Variants in PRKAR1A observed in about 807,000 individuals in gnomAD.
PRKAR1A encodes the protein protein kinase cAMP-dependent type I regulatory subunit alpha.
Under a neutral mutation model 52.0 loss-of-function variants are expected in PRKAR1A, and 3 were observed. That is an observed-to-expected ratio of 0.06 (90% CI 0.03 to 0.15). PRKAR1A has a LOEUF of 0.15. Ranked by LOEUF, PRKAR1A falls within the 10% of genes least tolerant of loss-of-function variation. The pLI is 1.00. For synonymous variants in PRKAR1A, 188 were observed against 168.4 expected, an observed-to-expected ratio of 1.12 and a Z score of -0.90; for missense variants, 240 against 477.4, an observed-to-expected ratio of 0.50 and a Z score of 4.63.
chr17:68,489,216 ATATATATATATATGGAAAG>A, the PRKAR1A span, among the ~76,000 whole-genome samples: 23 of 55,166 alleles, frequency 4.2e-4, 2 homozygotes, highest in East Asian at 5.7e-3. Context: ...ATATATATAT[ATATATATATATATGGAAAG>A]TATATATATA....
intron 3 of PRKAR1A, 120 bp downstream of exon 3, chr17:68,523,046 C>G: frequency 1.6e-6 from 2 of 1,236,986 alleles, no homozygotes; most frequent in Non-Finnish European, 2.3e-6. Context: ...CCATCCTGTA[C>G]AATTCTTGGG....
Position 68,528,906 on chromosome 17 carries a change from A to T in PRKAR1A, c.806A>T (p.Asp269Val). The change falls in exon 9 of 11, where the codon GAT (aspartate) becomes GTT (valine). Residue 269 changes from aspartate to valine, a missense_variant. Coordinates refer to ENST00000589228, the MANE Select transcript of PRKAR1A (RefSeq NM_002734.5). ...LDKWERLTVA[D>V]ALEPVQFEDG... is the part of the protein sequence containing the mutation. ...AAGTGGGAACGTCTTACGGTAGCTGATGCATTGGAACCAGTGCAGTTTGAA... is the reference window on the plus strand; with the variant it reads ...AAGTGGGAACGTCTTACGGTAGCTGTTGCATTGGAACCAGTGCAGTTTGAA... 1 of 1,613,826 alleles carries T rather than the reference A, an allele frequency of 6.2e-7. No homozygotes were observed. Among genetic ancestry groups the T allele is most frequent in the South Asian group, 1.1e-5 (1 of 91,078 alleles).
intron 2 of PRKAR1A, chr17:68,515,845 G>C (rs988800022): frequency 8.8e-6 from 4 of 455,806 alleles, no homozygotes; most frequent in Non-Finnish European, 1.6e-5. Context: ...TTTTAAATTA[G>C]TGCGTAGAAC....
At chr17:68,446,085 G>T in the PRKAR1A span, among the ~76,000 whole-genome samples, 24 of 152,308 alleles carry the variant, frequency 1.6e-4, no homozygotes, top group Admixed American at 1.6e-3. Context: ...CCTGGGAAAA[G>T]CCTGCCCTGC....
chr17:68,461,623 T>C, the PRKAR1A span, among the ~76,000 whole-genome samples: 49 of 152,198 alleles, frequency 3.2e-4, no homozygotes, highest in Non-Finnish European at 6.2e-4. The surrounding 1 kb of genome is among the most constrained non-coding windows in gnomAD (Gnocchi z 4.6). Context: ...TAATCTCCTT[T>C]CTCTTTTCTG....
At chr17:68,528,448 T>C (rs777943896) in intron 8 of PRKAR1A, among the ~76,000 whole-genome samples, 3 of 152,248 alleles carry the variant, frequency 2.0e-5, no homozygotes, top group Non-Finnish European at 4.4e-5. Context: ...ATTTTCTAGT[T>C]CTTTTTCATA....
At chr17:68,419,995 T>C in the PRKAR1A span, among the ~76,000 whole-genome samples, 10 of 151,918 alleles carry the variant, frequency 6.6e-5, no homozygotes, top group Admixed American at 6.6e-4. Context: ...GCAAAACATT[T>C]TGGACCACAG....
At chr17:68,539,993 G>A (rs2086216991) in intron 11 of PRKAR1A, 1 of 1,605,284 alleles carries the variant, frequency 6.2e-7, no homozygotes, top group Non-Finnish European at 8.5e-7. Flanking sequence ...GACTTAGCTG[G>A]AACCAGCAGG....
rs2085874372 is a variant in PRKAR1A, at chr17:68,528,830, C to T, written c.770-40C>T. On this transcript the variant is annotated intron_variant, in intron 8 of 10. Transcript: ENST00000589228. ...TTTCTTTTTACCTTTATAACAGCAC[C>T]AAATAATACAGAGCAGTTATTTTGA... 1.1e-5 allele frequency: 17 copies of T among 1,610,096 alleles called. No homozygotes were observed. In the South Asian group the frequency reaches 1.8e-4, roughly 17 times the overall value.
chr17:68,443,360 G>A, the PRKAR1A span, among the ~76,000 whole-genome samples: 6 of 152,206 alleles, frequency 3.9e-5, no homozygotes, highest in South Asian at 2.1e-4. Context: ...TGATCCACCC[G>A]CCTCGGCCTC....
At chr17:68,483,066 G>C in the PRKAR1A span, among the ~76,000 whole-genome samples, 1 of 151,612 alleles carries the variant, frequency 6.6e-6, no homozygotes, top group Admixed American at 6.6e-5. Context: ...TTCTTATGTT[G>C]TCTTCTACAT....
chr17:68,427,634 A>G, the PRKAR1A span: 1 of 175,218 alleles, frequency 5.7e-6, no homozygotes, highest in Non-Finnish European at 1.2e-5. Flanking sequence ...TTGTAGACCT[A>G]CCCACACGCT....
chr17:68,531,745 G>A lies in PRKAR1A; in HGVS notation c.*1296G>A. The A allele has an allele frequency of 1.9e-6, 2 of 1,049,842 alleles. No individual in the cohort carries two copies. Among genetic ancestry groups the A allele is most frequent in the Non-Finnish European group, 2.3e-6 (2 of 864,890 alleles). 65.0% of individuals were successfully genotyped at this position (1,049,842 alleles called of 1,614,324 possible). The stretch of plus-strand genomic sequence containing the variant: ...TTTTTAAAGTAAACTTGTGTATTGA[G>A]TCTTAACTGTATTTCAGTATTTTCC... On this transcript the variant is annotated 3_prime_UTR_variant, in exon 11 of 11. Coordinates refer to ENST00000589228, the MANE Select transcript of PRKAR1A (RefSeq NM_002734.5).
At chr17:68,472,461 C>A in the PRKAR1A span, among the ~76,000 whole-genome samples, 1 of 152,124 alleles carries the variant, frequency 6.6e-6, no homozygotes, top group Non-Finnish European at 1.5e-5. Context: ...AACTTGCAGA[C>A]CCCAGTGCAA....
chr17:68,529,779 C>G, intron 9 of PRKAR1A, 141 bp from the exon 10 acceptor site: 1 of 818,704 alleles, frequency 1.2e-6, no homozygotes, highest in Non-Finnish European at 2.1e-6. Context: ...GAAATTGAAG[C>G]TCATGTGGTG....
chr17:68,536,272 T>G (rs140826631), downstream of PRKAR1A: 487 of 454,152 alleles, frequency 1.1e-3, 2 homozygotes, highest in African/African-American at 8.8e-3. Context: ...CTCTGGCCTT[T>G]ACTGGAAAAG....
rs531560526 is a variant in PRKAR1A at position 68,530,682 on chromosome 17, C to T, written c.*233C>T. On this transcript the variant is annotated 3_prime_UTR_variant, in exon 11 of 11. Coordinates refer to ENST00000589228, the MANE Select transcript of PRKAR1A (RefSeq NM_002734.5). ...TTCTATGGAGACTTTGCTGTTACTG[C>T]TTCTCTTTGTGCAGTGTTAGTATTC... 533 of 1,422,676 alleles carry T rather than the reference C, an allele frequency of 3.7e-4. No homozygotes were observed. The highest frequency in any genetic ancestry group is 4.7e-4 in the Non-Finnish European group (513 of 1,087,544). The allele number at this position is 1,422,676 out of a possible 1,614,324, so 88.1% of individuals were successfully genotyped here.
At position 68,522,744 on chromosome 17, in the gene PRKAR1A, A is replaced by C. The variant is rs2085655979; in HGVS notation, c.178-12A>C. 6.2e-7 allele frequency: 1 copy of C among 1,613,884 alleles called. No homozygotes were observed. The highest frequency in any genetic ancestry group is 8.5e-7 in the Non-Finnish European group (1 of 1,179,974). On this transcript the variant is annotated splice_polypyrimidine_tract_variant and intron_variant, in intron 2 of 10. Coordinates refer to ENST00000589228, the MANE Select transcript of PRKAR1A (RefSeq NM_002734.5). ...GAAGGATCTCATTTTGCAAACTCGT[A>C]ATTTCTTTCAGGAGGAGGCAAAACA...
the PRKAR1A span, among the ~76,000 whole-genome samples, chr17:68,496,433 G>T: frequency 9.9e-5 from 15 of 152,238 alleles, no homozygotes; most frequent in African/African-American, 2.2e-4. Flanking sequence ...TCTTCCACAT[G>T]GAAGGACCCT....
Sources: gnomAD v4.1 joint callset for allele counts (sites outside exome capture counted in the v4.1 genomes callset) on GRCh38, gnomAD v4.1.1 for gene constraint, Gnocchi (gnomAD v3.1) non-coding constraint, MANE v1.5 for transcripts, NCBI Gene and HGNC (gene_info 2026-07-23, HGNC 2026-07-21) for gene names.